Variants in TSPAN9 observed in about 807,000 individuals in gnomAD.
TSPAN9 encodes the protein tetraspanin 9.
Under a neutral mutation model 31.0 loss-of-function variants are expected in TSPAN9, and 16 were observed. That is an observed-to-expected ratio of 0.52 (90% CI 0.35 to 0.78). The LOEUF (loss-of-function observed/expected upper bound fraction) is 0.78, where lower values mean the gene tolerates loss of function less well. Ranked by LOEUF, TSPAN9 falls within the 30% of genes least tolerant of loss-of-function variation. The pLI, the probability that TSPAN9 is intolerant of heterozygous loss-of-function variation, is 0.01. For missense variants in TSPAN9, 272 were observed against 312.5 expected (o/e 0.87, Z 0.98); for synonymous variants, 145 against 121.6 (o/e 1.19, Z -1.27).
In TSPAN9 at chr12:3,168,900, C is replaced by T. The variant is rs146234502; in HGVS notation, c.-17-32277C>T. Among the ~76,000 whole-genome samples the T allele has an allele frequency of 6.5e-4, 99 of 152,284 alleles. No individual in the cohort carries two copies. The highest frequency in any genetic ancestry group is 2.1e-3 in the African/African-American group (87 of 41,550). ...GCAGATGGATGAGCTCAGGTTTGGA[C>T]GTGACTCAGAAGGAAGGTAGTGGGG... On this transcript the variant is annotated intron_variant, in intron 2 of 8. Transcript: ENST00000011898. This position sits in a 1 kb window ranked among gnomAD's most constrained non-coding sequence, Gnocchi z 4.0.
chr12:3,269,370 T>C (rs1222355498), intron 3 of TSPAN9, among the ~76,000 whole-genome samples: 1 of 76,248 alleles, frequency 1.3e-5, no homozygotes, highest in Non-Finnish European at 2.6e-5. Context: ...CTCCCTGTGT[T>C]CCTGCAGCCT....
chr12:3,116,867 C>T (rs932366978), intron 2 of TSPAN9, among the ~76,000 whole-genome samples: 2 of 152,144 alleles, frequency 1.3e-5, no homozygotes, highest in Non-Finnish European at 2.9e-5. Context: ...CTAAACCCCA[C>T]TACCTCTGTG....
chr12:3,092,319 C>T (rs942295615), intron 2 of TSPAN9, among the ~76,000 whole-genome samples: 3 of 152,160 alleles, frequency 2.0e-5, no homozygotes, highest in African/African-American at 4.8e-5. Flanking sequence ...ATCAGTAAGT[C>T]GTTACTGTGT....
intron 2 of TSPAN9, among the ~76,000 whole-genome samples, chr12:3,118,530 G>A (rs2098323644): frequency 6.6e-6 from 1 of 151,878 alleles, no homozygotes; most frequent in African/African-American, 2.4e-5. Flanking sequence ...CAAAGTGTTG[G>A]GATTACAGGC....
chr12:3,131,810 T>C (rs1292421030), intron 2 of TSPAN9, among the ~76,000 whole-genome samples: 2 of 152,238 alleles, frequency 1.3e-5, no homozygotes, highest in African/African-American at 4.8e-5. Flanking sequence ...ATAACCATTT[T>C]AAAGTGTGTA....
intron 3 of TSPAN9, among the ~76,000 whole-genome samples, chr12:3,226,781 TATATATA>T (rs1168652270): frequency 2.2e-4 from 3 of 13,522 alleles, no homozygotes; most frequent in African/African-American, 6.9e-4. Flanking sequence ...TATATATATA[TATATATA>T]TATATATTTT....
intron 2 of TSPAN9, among the ~76,000 whole-genome samples, chr12:3,109,140 G>T (rs2098316482): frequency 6.6e-6 from 1 of 151,860 alleles, no homozygotes. Flanking sequence ...GTTTCACCGT[G>T]TTAGCCAGGA....
At chr12:3,231,874 G>A (rs7979282) in intron 3 of TSPAN9, among the ~76,000 whole-genome samples, 1 of 152,194 alleles carries the variant, frequency 6.6e-6, no homozygotes, top group African/African-American at 2.4e-5. Flanking sequence ...TGCTCCTGAC[G>A]CTCTGAGCTC....
At position 3,281,720 on chromosome 12, in the gene TSPAN9, G is replaced by A; in HGVS notation, c.565-14G>A. On this transcript the variant is annotated splice_polypyrimidine_tract_variant and intron_variant, in intron 7 of 8. Coordinates refer to ENST00000011898, the MANE Select transcript of TSPAN9 (RefSeq NM_006675.5). ...TTGGGCTGGGACCCTAACCTCGTGG[G>A]CCTCGCTCCCCAGGGCTGCTATGAA... 1 of 1,608,116 alleles carries A rather than the reference G, an allele frequency of 6.2e-7. No individual in the cohort carries two copies. The highest frequency in any genetic ancestry group is 8.5e-7 in the Non-Finnish European group (1 of 1,175,180).
At chr12:3,268,085 C>G (rs190816409) in intron 3 of TSPAN9, among the ~76,000 whole-genome samples, 4 of 152,354 alleles carry the variant, frequency 2.6e-5, no homozygotes, top group African/African-American at 9.6e-5. Context: ...GAGGCCATGA[C>G]TGGTTTGTCA....
At chr12:3,121,533 CTTTTT>C (rs59376087) in intron 2 of TSPAN9, among the ~76,000 whole-genome samples, 16 of 92,926 alleles carry the variant, frequency 1.7e-4, no homozygotes, top group East Asian at 6.8e-4. Flanking sequence ...CTAATTAAAA[CTTTTT>C]TTTTTTTTTT....
At chr12:3,104,909 A>C (rs2098313511) in intron 2 of TSPAN9, among the ~76,000 whole-genome samples, 1 of 152,106 alleles carries the variant, frequency 6.6e-6, no homozygotes, top group Non-Finnish European at 1.5e-5. Flanking sequence ...GTCATTTAGG[A>C]CAACAGTGGA....
intron 2 of TSPAN9, among the ~76,000 whole-genome samples, chr12:3,095,741 G>T (rs1392164714): frequency 6.7e-6 from 1 of 149,804 alleles, no homozygotes. Flanking sequence ...GACGATGGGC[G>T]GCCGGGCAGA....
intron 2 of TSPAN9, among the ~76,000 whole-genome samples, chr12:3,109,049 T>C (rs7488775): frequency 0.95 from 143,647 of 151,938 alleles, 67,933 homozygotes; most frequent in East Asian, 1. Flanking sequence ...CATTCTCCTG[T>C]CTCAGCCTCC....
chr12:3,262,185 G>T (rs1862461776), intron 3 of TSPAN9, among the ~76,000 whole-genome samples: 1 of 152,196 alleles, frequency 6.6e-6, no homozygotes, highest in Admixed American at 6.5e-5. Context: ...TTGTTTGTGG[G>T]TGTCTGTTTT....
At chr12:3,160,939 G>T (rs187039293) in intron 2 of TSPAN9, among the ~76,000 whole-genome samples, 32 of 152,152 alleles carry the variant, frequency 2.1e-4, no homozygotes, top group African/African-American at 7.5e-4. Flanking sequence ...TAATTTTGTG[G>T]CTGGGCTGCG....
intron 3 of TSPAN9, among the ~76,000 whole-genome samples, chr12:3,232,577 G>T (rs548718236): frequency 6.6e-6 from 1 of 152,362 alleles, no homozygotes; most frequent in South Asian, 2.1e-4. Context: ...CTTTGCATCG[G>T]AATCACCTGG....
At chr12:3,123,044 C>G (rs1226821826) in intron 2 of TSPAN9, among the ~76,000 whole-genome samples, 2 of 152,162 alleles carry the variant, frequency 1.3e-5, no homozygotes, top group Non-Finnish European at 2.9e-5. Context: ...AGGGAGGCGG[C>G]CCCACAGGGA....
intron 2 of TSPAN9, among the ~76,000 whole-genome samples, chr12:3,193,296 C>G (rs908239128): frequency 6.6e-6 from 1 of 152,154 alleles, no homozygotes; most frequent in Non-Finnish European, 1.5e-5. Flanking sequence ...GAGCCGATTT[C>G]GGGGACAGTG....
Sources: gnomAD v4.1 joint callset for allele counts (sites outside exome capture counted in the v4.1 genomes callset) on GRCh38, gnomAD v4.1.1 for gene constraint, Gnocchi (gnomAD v3.1) non-coding constraint, MANE v1.5 for transcripts, NCBI Gene and HGNC (gene_info 2026-07-23, HGNC 2026-07-21) for gene names.